The following RNASE11 variants were observed in gnomAD, a reference collection of about 807,000 sequenced individuals.
RNASE11 encodes the protein putative inactive ribonuclease 11.
For synonymous variants in RNASE11, 105 were observed against 86.1 expected (o/e 1.22, Z -1.21); for missense variants, 252 against 237.8 (o/e 1.06, Z -0.39).
At chr14:20,584,484 A>G (rs1884391051) in exon 2 of RNASE11, 6 of 1,564,776 alleles carry the variant, frequency 3.8e-6, no homozygotes, top group Non-Finnish European at 4.3e-6. Context: ...TCTCAGATGT[A>G]GTGTAATCTC....
At chr14:20,587,909 C>G, upstream of RNASE11, 1 of 919,864 alleles carries the variant, frequency 1.1e-6, no homozygotes, top group Non-Finnish European at 1.3e-6. Context: ...CAATGAACAG[C>G]TGAAGTCTCT....
Position 20,584,224 on chromosome 14 carries a change from T to C in RNASE11, c.251A>G (p.Asn84Ser), listed in dbSNP as rs1203123269. ...ACCCGAACTGTTTCCCTTGGGGTCATTATAATGTAAACTTCTGAATGTCAG... is the reference window on the plus strand; with the variant it reads ...ACCCGAACTGTTTCCCTTGGGGTCACTATAATGTAAACTTCTGAATGTCAG... Residue 84 changes from asparagine (N) to serine (S), a missense_variant, in exon 2 of 2, where the codon AAT becomes AGT. By Grantham distance (46) the Asn-to-Ser change is conservative. Coordinates refer to ENST00000553849, the Ensembl canonical transcript of RNASE11. The C allele has an allele frequency of 3.1e-6, 5 of 1,614,098 alleles. No individual in the cohort carries two copies. The African/African-American group carries it at 4.0e-5, about 13-fold the overall frequency.
downstream of RNASE11, chr14:20,583,459 T>G (rs1161710684): frequency 5.6e-6 from 1 of 177,108 alleles, no homozygotes; most frequent in African/African-American, 2.4e-5. Flanking sequence ...AGAGTAGTGA[T>G]AATAATATAT....
rs57725146 is a variant in RNASE11 at position 20,585,845 on chromosome 14, C to G, written c.-22-1349G>C. Among the ~76,000 whole-genome samples, 455 of 151,938 alleles carry G rather than the reference C, an allele frequency of 3.0e-3. 20 individuals are homozygous for G. The East Asian group carries it at 0.079, about 26-fold the overall frequency. ...TAAAATCCTTTACTTGAGGTCAATC[C>G]TGGAAAATCCCTAAAGAAAGGTTAT... On this transcript the variant is annotated intron_variant, in intron 1 of 1. Coordinates refer to ENST00000553849, the Ensembl canonical transcript of RNASE11.
upstream of RNASE11, among the ~76,000 whole-genome samples, chr14:20,589,833 G>C (rs1276096676): frequency 4.6e-5 from 7 of 152,120 alleles, no homozygotes; most frequent in Non-Finnish European, 1.0e-4. Flanking sequence ...GTTGCAGTGA[G>C]CCGAGATCGT....
At chr14:20,586,952 C>A (rs1214394658) in intron 1 of RNASE11, among the ~76,000 whole-genome samples, 1 of 152,160 alleles carries the variant, frequency 6.6e-6, no homozygotes, top group Non-Finnish European at 1.5e-5. Context: ...AAGTTCAAGA[C>A]CAGCCTAGGC....
exon 2 of RNASE11, chr14:20,584,240 T>C (rs927174745): frequency 2.5e-6 from 4 of 1,614,232 alleles, no homozygotes; most frequent in Middle Eastern, 1.6e-4. Context: ...TGTAAACTTC[T>C]GAATGTCAGT....
chr14:20,587,190 G>C (rs1482154719), intron 1 of RNASE11, among the ~76,000 whole-genome samples: 1 of 152,238 alleles, frequency 6.6e-6, no homozygotes, highest in Non-Finnish European at 1.5e-5. Flanking sequence ...TACATATTTA[G>C]ATACAGATAG....
chr14:20,584,178 A>T (rs1374609609), exon 2 of RNASE11: 2 of 1,614,226 alleles, frequency 1.2e-6, no homozygotes, highest in Admixed American at 1.7e-5. Flanking sequence ...CTGTCATGTC[A>T]TTGCAACACT....
upstream of RNASE11, chr14:20,587,850 G>A (rs766238862): frequency 1.4e-5 from 14 of 985,250 alleles, no homozygotes; most frequent in African/African-American, 1.7e-5. Context: ...AACAACTAGC[G>A]TAAGTGCACC....
In RNASE11 at chr14:20,583,982, G is replaced by T. The variant is rs755565909; in HGVS notation, c.493C>A (p.Gln165Lys). The T allele has an allele frequency of 3.1e-6, 5 of 1,614,162 alleles. No homozygotes were observed. The African/African-American group carries it at 4.0e-5, about 13-fold the overall frequency. Residue 165 changes from glutamine to lysine, a missense_variant, in exon 2 of 2, where the codon CAA becomes AAA. Physicochemically the swap from Gln to Lys is moderately conservative, Grantham distance 53 (BLOSUM62 1). Coordinates refer to ENST00000553849, the Ensembl canonical transcript of RNASE11. ...CTATGGTATTGGCACCTGGGGAATTGTTTGCCTGTAGTGAACTGGCACACT... is the reference window on the plus strand; with the variant it reads ...CTATGGTATTGGCACCTGGGGAATTTTTTGCCTGTAGTGAACTGGCACACT...
chr14:20,583,231 A>C (rs1884343498), downstream of RNASE11: 1 of 152,256 alleles, frequency 6.6e-6, no homozygotes, highest in Non-Finnish European at 1.5e-5. Flanking sequence ...ACTTGGCTTG[A>C]ATAAAGATTA....
At chr14:20,584,237 T>G (rs375801285) in exon 2 of RNASE11, 1 of 1,614,246 alleles carries the variant, frequency 6.2e-7, no homozygotes, top group Non-Finnish European at 8.5e-7. Flanking sequence ...TAATGTAAAC[T>G]TCTGAATGTC....
intron 1 of RNASE11, among the ~76,000 whole-genome samples, chr14:20,586,941 G>A (rs959521912): frequency 1.3e-5 from 2 of 152,190 alleles, no homozygotes; most frequent in African/African-American, 4.8e-5. Flanking sequence ...CTTGAGGCCA[G>A]AAGTTCAAGA....
At chr14:20,588,356 T>G (rs531628475), upstream of RNASE11, 1 of 152,218 alleles carries the variant, frequency 6.6e-6, no homozygotes, top group South Asian at 2.1e-4. Flanking sequence ...GTGGGGAAAC[T>G]AAGCAGTAAG....
chr14:20,584,593 G>T (rs1884394274), intron 1 of RNASE11, 97 bp from the exon 3 acceptor site: 3 of 1,002,950 alleles, frequency 3.0e-6, no homozygotes, highest in East Asian at 2.7e-5. Flanking sequence ...ACCCCTACAT[G>T]TAGGTTAAAA....
rs200056573 is a variant in RNASE11 at position 20,583,977 on chromosome 14, G to T, written c.498C>A (p.Phe166Leu). Residue 166 changes from phenylalanine (F) to leucine (L), a missense_variant, in exon 2 of 2, where the codon TTC becomes TTA. Transcript: ENST00000553849. ...TAACACTATGGTATTGGCACCTGGG[G>T]AATTGTTTGCCTGTAGTGAACTGGC... 4.8e-5 allele frequency: 77 copies of T among 1,614,014 alleles called. No homozygotes were observed. Among genetic ancestry groups the T allele is most frequent in the South Asian group, 5.5e-5 (5 of 91,090 alleles).
intron 1 of RNASE11, among the ~76,000 whole-genome samples, chr14:20,584,839 G>A (rs967635011): frequency 2.0e-5 from 3 of 152,176 alleles, no homozygotes; most frequent in Non-Finnish European, 2.9e-5. Flanking sequence ...TTGGTGGGGT[G>A]TATAATCTCC....
upstream of RNASE11, among the ~76,000 whole-genome samples, chr14:20,588,956 T>G (rs1884496978): frequency 1.3e-5 from 2 of 151,766 alleles, no homozygotes; most frequent in South Asian, 4.2e-4. Context: ...CCAACTAACT[T>G]TTGTATTTTT....
Sources: allele counts gnomAD v4.1 joint callset (sites outside exome capture counted in the v4.1 genomes callset), GRCh38; gene constraint gnomAD v4.1.1; transcripts MANE v1.5; gene names NCBI Gene and HGNC (gene_info 2026-07-23, HGNC 2026-07-21).